The following CSPP1 variants were observed in gnomAD, a reference collection of about 807,000 sequenced individuals.
CSPP1 encodes the protein centrosome and spindle pole associated protein 1.
CSPP1 carries 126 observed loss-of-function variants against 164.4 expected under a neutral mutation model. The ratio of observed to expected loss-of-function variants is 0.77; its 90% CI spans 0.66 to 0.89. CSPP1 has a LOEUF of 0.89. Among genes scored for constraint, CSPP1 ranks in the 40% least tolerant of loss-of-function variants. The probability of loss-of-function intolerance (pLI) is 0.00; values close to 1 mark genes in which losing one functional copy is unlikely to be tolerated. For synonymous variants in CSPP1, 472 were observed against 476.7 expected (o/e 0.99, Z 0.13); for missense variants, 1,395 against 1,449.8 (o/e 0.96, Z 0.61).
intron 3 of CSPP1, among the ~76,000 whole-genome samples, chr8:67,085,260 C>T (rs1481255611): frequency 6.6e-6 from 1 of 151,616 alleles, no homozygotes; most frequent in African/African-American, 2.4e-5. Context: ...ATATTATATA[C>T]ATTTTACCAC....
chr8:67,163,821 T>C (rs1292244483), intron 23 of CSPP1, 23 bp downstream of exon 23: 21 of 1,524,694 alleles, frequency 1.4e-5, no homozygotes, highest in African/African-American at 2.8e-5. Context: ...ACTAAACCTG[T>C]TACCTAGAGT....
At chr8:67,155,040 A>G (rs192584435) in intron 19 of CSPP1, among the ~76,000 whole-genome samples, 7 of 152,334 alleles carry the variant, frequency 4.6e-5, no homozygotes, top group Admixed American at 2.0e-4. Context: ...GGCATTTAAC[A>G]TAGTAGAACT....
chr8:67,152,823 A>C (rs764915406), intron 18 of CSPP1, among the ~76,000 whole-genome samples: 1 of 152,248 alleles, frequency 6.6e-6, no homozygotes, highest in African/African-American at 2.4e-5. Flanking sequence ...AGCATTAATA[A>C]ATTTAAATAC....
Position 67,137,615 on chromosome 8 carries a change from C to T in CSPP1, c.1975+12C>T. The T allele has an allele frequency of 6.7e-7, 1 of 1,488,730 alleles. No individual in the cohort carries two copies. Among genetic ancestry groups the T allele is most frequent in the East Asian group, 2.4e-5 (1 of 41,552 alleles). 92.2% of individuals were successfully genotyped at this position (1,488,730 alleles called of 1,614,324 possible). ...AGGAAATCTGATAAGTACGTTATTT[C>T]TACTGACTTGTTTTTAAAATAAGCT... is the stretch of plus-strand genomic sequence containing the variant. On this transcript the variant is annotated intron_variant, in intron 17 of 30. Transcript: ENST00000678616.
chr8:67,153,701 CT>C (rs1446325530), intron 18 of CSPP1, among the ~76,000 whole-genome samples: 2 of 151,886 alleles, frequency 1.3e-5, no homozygotes, highest in African/African-American at 4.8e-5. Context: ...TAAATATGTC[CT>C]TTTTTTCTTT....
intron 8 of CSPP1, among the ~76,000 whole-genome samples, chr8:67,104,252 CAAGA>C (rs1814855372): frequency 6.7e-6 from 1 of 150,142 alleles, no homozygotes; most frequent in African/African-American, 2.5e-5. Flanking sequence ...TTCTGTCTTC[CAAGA>C]AAGGTTTTTT....
chr8:67,167,423 C>A (rs1190840255), intron 24 of CSPP1, among the ~76,000 whole-genome samples: 1 of 146,498 alleles, frequency 6.8e-6, no homozygotes, highest in Non-Finnish European at 1.5e-5. Flanking sequence ...CTGGACGGGG[C>A]GGCTGGCCGG....
Position 67,154,094 on chromosome 8 carries a change from G to A in CSPP1, c.2199G>A (p.Gln733=), listed in dbSNP as rs1826220671. ...NVFGEPPTEL[Q]IKQQELYKNF... ...TTGGTGAGCCTCCAACTGAACTTCAGATTAAACAGCAAGAATTATACAAGA... is the reference window on the plus strand; with the variant it reads ...TTGGTGAGCCTCCAACTGAACTTCAAATTAAACAGCAAGAATTATACAAGA... Residue 733 remains glutamine, a synonymous_variant, in exon 19 of 31, where the codon CAG becomes CAA. Coordinates refer to ENST00000678616, the MANE Select transcript of CSPP1 (RefSeq NM_001382391.1). The A allele has an allele frequency of 5.0e-6, 8 of 1,598,274 alleles. No homozygotes were observed. The highest frequency in any genetic ancestry group is 6.9e-6 in the Non-Finnish European group (8 of 1,166,458).
At chr8:67,106,705 T>G (rs1318336408) in intron 9 of CSPP1, among the ~76,000 whole-genome samples, 1 of 152,176 alleles carries the variant, frequency 6.6e-6, no homozygotes, top group Non-Finnish European at 1.5e-5. Context: ...CCTTTAAATA[T>G]GTAATAGAAA....
chr8:67,085,476 C>A (rs1810197039), intron 3 of CSPP1, among the ~76,000 whole-genome samples: 2 of 151,364 alleles, frequency 1.3e-5, no homozygotes, highest in Admixed American at 1.3e-4. Context: ...TAAAAAAAAT[C>A]ATGTTATTAG....
rs1828816022 is a variant in CSPP1 at position 67,163,765 on chromosome 8, G to T, written c.2677G>T (p.Val893Leu). The change falls in exon 23 of 31, where the codon GTA (valine) becomes TTA (leucine). Residue 893 changes from valine (V) to leucine (L), a missense_variant. Transcript: ENST00000678616. ...SSMSRAQSPPVPARKNQLRAE... is the reference protein window; with the variant it reads ...SSMSRAQSPPLPARKNQLRAE... ...CATGTCCAGGGCACAGTCACCCCCG[G>T]TACCTGCCAGGAAAAATCAGCTCCG... 6.2e-7 allele frequency: 1 copy of T among 1,613,618 alleles called. No individual in the cohort carries two copies. The highest frequency in any genetic ancestry group is 1.1e-5 in the South Asian group (1 of 91,008).
intron 17 of CSPP1, among the ~76,000 whole-genome samples, chr8:67,146,912 G>A (rs953212523): frequency 1.3e-5 from 2 of 152,138 alleles, no homozygotes; most frequent in East Asian, 1.9e-4. Flanking sequence ...TTTAATTTTC[G>A]TTTTTTAGCT....
intron 24 of CSPP1, among the ~76,000 whole-genome samples, chr8:67,165,230 G>A (rs1829093685): frequency 1.3e-5 from 2 of 151,152 alleles, no homozygotes; most frequent in South Asian, 4.2e-4. Flanking sequence ...GTTGCAGTGA[G>A]CCGAGATCAC....
intron 1 of CSPP1, chr8:67,065,468 C>T: frequency 1.1e-6 from 1 of 890,658 alleles, no homozygotes; most frequent in Non-Finnish European, 1.3e-6. Context: ...TTATAAAAAG[C>T]CTAAATTAGG....
At chr8:67,195,226 G>A (rs1837654324) in intron 30 of CSPP1, among the ~76,000 whole-genome samples, 156 bp from the exon 31 acceptor site, 1 of 151,994 alleles carries the variant, frequency 6.6e-6, no homozygotes, top group East Asian at 2.0e-4. Flanking sequence ...GGGTGGGGTG[G>A]GGTGAGTCTA....
intron 3 of CSPP1, among the ~76,000 whole-genome samples, chr8:67,079,573 T>A (rs979332136): frequency 6.6e-6 from 1 of 152,232 alleles, no homozygotes; most frequent in African/African-American, 2.4e-5. Flanking sequence ...TGTTTTACAG[T>A]CTAGCCCCGT....
At chr8:67,152,219 A>G (rs2129558600) in intron 18 of CSPP1, among the ~76,000 whole-genome samples, 1 of 152,256 alleles carries the variant, frequency 6.6e-6, no homozygotes, top group South Asian at 2.1e-4. Context: ...ATGTATGTAC[A>G]CACAGACACA....
intron 10 of CSPP1, among the ~76,000 whole-genome samples, chr8:67,113,451 C>T (rs1447823996): frequency 6.6e-6 from 1 of 151,750 alleles, no homozygotes; most frequent in African/African-American, 2.4e-5. Flanking sequence ...AAATTTTTAC[C>T]CTTCTTTTTG....
At chr8:67,193,989 T>A (rs375849412) in intron 30 of CSPP1, among the ~76,000 whole-genome samples, 2 of 152,382 alleles carry the variant, frequency 1.3e-5, no homozygotes, top group East Asian at 3.9e-4. Context: ...TTTGCAGTAC[T>A]ACAAAGAAAA....
Sources: allele counts gnomAD v4.1 joint callset (sites outside exome capture counted in the v4.1 genomes callset), GRCh38; gene constraint gnomAD v4.1.1; transcripts MANE v1.5; gene names NCBI Gene and HGNC (gene_info 2026-07-23, HGNC 2026-07-21).